ITGA10: variants seen among roughly 807,000 people sequenced by gnomAD.
ITGA10 encodes the protein integrin alpha-10.
A neutral mutation model predicts 145.2 loss-of-function variants in ITGA10; 105 were observed. The observed-to-expected ratio is 0.72, with a 90% CI of 0.62 to 0.85. ITGA10 has a LOEUF of 0.85. Ranked by LOEUF, ITGA10 falls within the 40% of genes least tolerant of loss-of-function variation. The pLI, the probability that ITGA10 is intolerant of heterozygous loss-of-function variation, is 0.00. For missense variants in ITGA10, 1,317 were observed against 1,444.5 expected, an observed-to-expected ratio of 0.91 and a Z score of 1.43; for synonymous variants, 506 against 557.8, an observed-to-expected ratio of 0.91 and a Z score of 1.31.
chr1:145,908,059 C>T (rs587762181), intron 1 of ITGA10, among the ~76,000 whole-genome samples: 19 of 152,188 alleles, frequency 1.2e-4, no homozygotes, highest in Middle Eastern at 3.4e-3. Flanking sequence ...CGTGAGCCAC[C>T]GCGCCTGGCT....
rs782067687 is a variant in ITGA10, at chr1:145,895,335, C to T, written c.3173G>A (p.Gly1058Glu). 1 of 1,614,104 alleles carries T rather than the reference C, an allele frequency of 6.2e-7. No individual in the cohort carries two copies. Among genetic ancestry groups the T allele is most frequent in the Non-Finnish European group, 8.5e-7 (1 of 1,180,002 alleles). ...VRCHLGQLAK[G>E]TEVSVGLLRL... ...CAATAGTCCAACAGAGACCTCAGTC[C>T]CCTTTGCCAGCTGCCCAAGGTGGCA... is the stretch of plus-strand genomic sequence containing the variant. Residue 1058 changes from glycine to glutamate, a missense_variant, in exon 27 of 30, where the codon GGG becomes GAG. Gly to Glu is a moderately conservative substitution (Grantham distance 98). Transcript: ENST00000369304.
intron 28 of ITGA10, 44 bp from the exon 29 acceptor site, chr1:145,893,318 C>T: frequency 1.5e-6 from 2 of 1,353,556 alleles, no homozygotes; most frequent in Non-Finnish European, 2.1e-6. Context: ...TCCTATAACC[C>T]AGCTAGCCTC....
In ITGA10 at chr1:145,895,300, G is replaced by A. The variant is rs587736303; in HGVS notation, c.3208C>T (p.His1070Tyr). The A allele has an allele frequency of 6.2e-7, 1 of 1,613,742 alleles. No homozygotes were observed. Among genetic ancestry groups the A allele is most frequent in the Admixed American group, 1.7e-5 (1 of 60,016 alleles). Residue 1070 changes from histidine to tyrosine, a missense_variant, in exon 27 of 30, where the codon CAC becomes TAC. Physicochemically the swap from His to Tyr is moderately conservative, Grantham distance 83. Transcript: ENST00000369304. ...EVSVGLLRLVHNEFFRRAKFK... is the reference protein window; with the variant it reads ...EVSVGLLRLVYNEFFRRAKFK... ...CTTACTCTTCGGAAAAATTCATTGTGAACCAGCCTCAATAGTCCAACAGAG... is the reference window on the plus strand; with the variant it reads ...CTTACTCTTCGGAAAAATTCATTGTAAACCAGCCTCAATAGTCCAACAGAG...
chr1:145,901,151 A>G lies in ITGA10; in HGVS notation c.1571T>C (p.Val524Ala). 6.2e-7 allele frequency: 1 copy of G among 1,614,088 alleles called. No individual in the cohort carries two copies. Among genetic ancestry groups the G allele is most frequent in the Middle Eastern group, 1.6e-4 (1 of 6,062 alleles). The change falls in exon 13 of 30, where the codon GTG (valine) becomes GCG (alanine). Residue 524 changes from valine to alanine, a missense_variant. Transcript: ENST00000369304. The surrounding 1 kb of genome is among the most constrained non-coding windows in gnomAD (Gnocchi z 4.3). ...PQNKETGRVY[V>A]YLVGQQSLLT... Reference sequence around the variant, plus strand: ...AAGTCTCACCTGGCCTACCAGATACACATAAACACGTCCTGTTTCCTTGTT... The same window carrying G: ...AAGTCTCACCTGGCCTACCAGATACGCATAAACACGTCCTGTTTCCTTGTT...
intron 28 of ITGA10, 133 bp from the exon 29 acceptor site, chr1:145,893,407 A>G: frequency 1.1e-6 from 1 of 938,586 alleles, no homozygotes; most frequent in South Asian, 1.4e-5. Flanking sequence ...CTGAGGCAGG[A>G]ATGGCGGCAG....
chr1:145,907,280 T>A, intron 2 of ITGA10, 74 bp downstream of exon 2: 2 of 1,611,222 alleles, frequency 1.2e-6, no homozygotes, highest in Non-Finnish European at 1.7e-6. Context: ...TAGTTTAGAG[T>A]CCCATCTATC....
rs1453191845 is a variant in ITGA10 at position 145,893,263 on chromosome 1, C to G, written c.3336G>C (p.Glu1112Asp). The G allele has an allele frequency of 1.2e-6, 2 of 1,612,110 alleles. No individual in the cohort carries two copies. The highest frequency in any genetic ancestry group is 1.7e-6 in the Non-Finnish European group (2 of 1,178,282). Residue 1112 changes from glutamate to aspartate, a missense_variant, in exon 29 of 30, where the codon GAG becomes GAC. By Grantham distance (45) the Glu-to-Asp change is conservative. Coordinates refer to ENST00000369304, the MANE Select transcript of ITGA10 (RefSeq NM_003637.5). ...EASRWSESLL[E>D]VVQTRPILIS... ...TGAGGATAGGCCGGGTCTGAACCAC[C>G]TCCAAGAGGCTCTGCGTGGACAGAA...
In ITGA10 at chr1:145,904,113, T is replaced by C; in HGVS notation, c.697A>G (p.Lys233Glu). The C allele has an allele frequency of 6.2e-7, 1 of 1,614,182 alleles. No homozygotes were observed. The highest frequency in any genetic ancestry group is 8.5e-7 in the Non-Finnish European group (1 of 1,180,038). Residue 233 changes from lysine to glutamate, a missense_variant, in exon 7 of 30, where the codon AAG becomes GAG. Coordinates refer to ENST00000369304, the MANE Select transcript of ITGA10 (RefSeq NM_003637.5). ...CGTCCCTCCCGCCGACTGAGGTTCT[T>C]TGCTGCTCTCACCACTTCTTCCTTC... ...RTKEEVVRAA[K>E]NLSRREGRET...
chr1:145,902,329 G>T lies in ITGA10; in HGVS notation c.1076-10C>A. On this transcript the variant is annotated splice_polypyrimidine_tract_variant and intron_variant, in intron 9 of 29. Coordinates refer to ENST00000369304, the MANE Select transcript of ITGA10 (RefSeq NM_003637.5). The stretch of plus-strand genomic sequence containing the variant: ...TTTTCTGCATGGGACCCTTGGTCAT[G>T]AGAAAACATTGAGACAATATCAGGG... The T allele has an allele frequency of 3.1e-6, 5 of 1,613,902 alleles. No homozygotes were observed. Among genetic ancestry groups the T allele is most frequent in the South Asian group, 1.1e-5 (1 of 91,080 alleles).
chr1:145,902,360 CA>C (rs782196664), intron 9 of ITGA10, 41 bp from the exon 10 acceptor site: 1 of 1,603,188 alleles, frequency 6.2e-7, no homozygotes, highest in South Asian at 1.1e-5. Flanking sequence ...CAGGGGAAGA[CA>C]GTTTCCCCTT....
rs782436661 is a variant in ITGA10 at position 145,892,874 on chromosome 1, A to G, written c.3439-11T>C. 12 of 1,612,400 alleles carry G rather than the reference A, an allele frequency of 7.4e-6. No homozygotes were observed. The South Asian group carries it at 1.3e-4, about 18-fold the overall frequency. On this transcript the variant is annotated splice_polypyrimidine_tract_variant and intron_variant, in intron 29 of 29. Coordinates refer to ENST00000369304, the MANE Select transcript of ITGA10 (RefSeq NM_003637.5). The stretch of plus-strand genomic sequence containing the variant: ...GGCAAAGAAGCCAAGCTGTAGAAGA[A>G]AAGATAAGCGTCACTGCCAAATGCC...
At chr1:145,897,212 C>G in intron 21 of ITGA10, 35 bp downstream of exon 21, 1 of 1,605,752 alleles carries the variant, frequency 6.2e-7, no homozygotes, top group Non-Finnish European at 8.5e-7. Flanking sequence ...CTCTGCCCTC[C>G]TAGAGCCCTC....
chr1:145,896,300 C>A lies in ITGA10; in HGVS notation c.2887G>T (p.Gly963Cys), dbSNP rs1342279048. The A allele has an allele frequency of 1.9e-6, 3 of 1,613,986 alleles. No individual in the cohort carries two copies. The African/African-American group carries it at 4.0e-5, about 22-fold the overall frequency. Residue 963 changes from glycine (G) to cysteine (C), a missense_variant, in exon 24 of 30, where the codon GGT becomes TGT. Transcript: ENST00000369304. Reference protein sequence around the residue: ...EVHPYGTLPVGPGPEFKTTLR... With the variant: ...EVHPYGTLPVCPGPEFKTTLR... Reference sequence around the variant, plus strand: ...GTGGTTTTGAATTCTGGGCCAGGACCCACTGGGAGGGTCCCATATGGGTGA... The same window carrying A: ...GTGGTTTTGAATTCTGGGCCAGGACACACTGGGAGGGTCCCATATGGGTGA...
intron 1 of ITGA10, 29 bp from the exon 2 acceptor site, chr1:145,907,494 T>C (rs782689475): frequency 4.3e-6 from 7 of 1,613,616 alleles, no homozygotes; most frequent in Middle Eastern, 1.7e-4. Flanking sequence ...AATGTTAGTA[T>C]GAGGTAGTGA....
chr1:145,902,736 C>A (rs1473663979), intron 8 of ITGA10, 75 bp downstream of exon 8: 1 of 1,544,792 alleles, frequency 6.5e-7, no homozygotes, highest in Non-Finnish European at 8.7e-7. Flanking sequence ...CTCAAGTTCC[C>A]AGTCCTTGGA....
rs1295467343 is a variant in ITGA10, at chr1:145,895,367, C to T, written c.3141G>A (p.Val1047=). The T allele has an allele frequency of 6.2e-7, 1 of 1,614,006 alleles. No homozygotes were observed. Among genetic ancestry groups the T allele is most frequent in the Non-Finnish European group, 8.5e-7 (1 of 1,179,870 alleles). Residue 1047 remains valine (V), a synonymous_variant, in exon 27 of 30, where the codon GTG becomes GTA. Coordinates refer to ENST00000369304, the MANE Select transcript of ITGA10 (RefSeq NM_003637.5). ...RLNGSNTQCQ[V]VRCHLGQLAK... ...CCAGCTGCCCAAGGTGGCACCTCAC[C>T]ACCTGACACTGAGTATTGCTCCCAT...
intron 1 of ITGA10, 168 bp from the exon 2 acceptor site, chr1:145,907,633 T>C (rs1171275375): frequency 1.0e-6 from 1 of 983,938 alleles, no homozygotes; most frequent in Admixed American, 6.2e-5. Context: ...CAGGCAAAGA[T>C]GATTCCCTTC....
At position 145,904,331 on chromosome 1, in the gene ITGA10, C is replaced by G; in HGVS notation, c.610-131G>C. ...AAGACAACACCTACATTTATCCCCT[C>G]TCTCTCTGTCTCTCCCCTTCCAAGC... On this transcript the variant is annotated intron_variant, in intron 6 of 29. Transcript: ENST00000369304. 3.7e-6 allele frequency: 3 copies of G among 815,196 alleles called. No individual in the cohort carries two copies. The Admixed American group carries it at 7.0e-5, about 19-fold the overall frequency. 50.5% of individuals were successfully genotyped at this position (815,196 alleles called of 1,614,324 possible).
At position 145,906,840 on chromosome 1, in the gene ITGA10, T is replaced by G. The variant is rs1553751296; in HGVS notation, c.275-16A>C. 2 of 1,566,350 alleles carry G rather than the reference T, an allele frequency of 1.3e-6. No homozygotes were observed. Among genetic ancestry groups the G allele is most frequent in the Non-Finnish European group, 1.8e-6 (2 of 1,137,898 alleles). ...TGGTAGTCACCTGGTTGGAAGGAGG[T>G]GGAAGAGAATGAGATCATGGGGTCA... On this transcript the variant is annotated splice_polypyrimidine_tract_variant and intron_variant, in intron 3 of 29. Transcript: ENST00000369304.
Sources: allele counts gnomAD v4.1 joint callset (sites outside exome capture counted in the v4.1 genomes callset), GRCh38; gene constraint gnomAD v4.1.1; non-coding constraint Gnocchi (gnomAD v3.1); transcripts MANE v1.5; gene names NCBI Gene and HGNC (gene_info 2026-07-23, HGNC 2026-07-21).